CSNK1D: variants seen among roughly 807,000 people sequenced by gnomAD.
CSNK1D encodes casein kinase I isoform delta.
CSNK1D carries 16 observed loss-of-function variants against 46.6 expected under a neutral mutation model. That is an observed-to-expected ratio of 0.34 (90% CI 0.23 to 0.52). CSNK1D has a LOEUF of 0.52. CSNK1D is among the 20% of genes least tolerant of loss of function. CSNK1D has a pLI of 0.95. For synonymous variants in CSNK1D, 276 were observed against 228.2 expected (o/e 1.21, Z -1.89); for missense variants, 398 against 578.4 (o/e 0.69, Z 3.20).
At chr17:82,256,378 T>C (rs2051174899) in intron 2 of CSNK1D, among the ~76,000 whole-genome samples, 1 of 152,010 alleles carries the variant, frequency 6.6e-6, no homozygotes, top group Non-Finnish European at 1.5e-5. Context: ...GTGGGTGTGG[T>C]GGCACGCTTC....
Position 82,255,426 on chromosome 17 carries a change from T to C in CSNK1D, c.336+3A>G, listed in dbSNP as rs752151724. 6.2e-7 allele frequency: 1 copy of C among 1,614,168 alleles called. No homozygotes were observed. The highest frequency in any genetic ancestry group is 8.5e-7 in the Non-Finnish European group (1 of 1,180,040). On this transcript the variant is annotated splice_donor_region_variant and intron_variant, in intron 3 of 8. Coordinates refer to ENST00000314028, the MANE Select transcript of CSNK1D (RefSeq NM_001893.6). The surrounding 1 kb of genome is among the most constrained non-coding windows in gnomAD (Gnocchi z 5.9). ...GTGCCAACTGTCAGGAAACAGTCCT[T>C]ACCATTTGGTCAGCAAGCAGCAGGA...
chr17:82,256,495 A>G (rs928104781), intron 2 of CSNK1D, among the ~76,000 whole-genome samples: 1 of 151,264 alleles, frequency 6.6e-6, no homozygotes, highest in African/African-American at 2.4e-5. Flanking sequence ...CCTGGGCCAC[A>G]GAGCAAGACC....
downstream of CSNK1D, chr17:82,240,183 C>T: frequency 1.4e-6 from 1 of 709,870 alleles, no homozygotes; most frequent in Non-Finnish European, 2.0e-6. Context: ...AGCCTCAGGG[C>T]TGTGGAGGCC....
Position 82,252,781 on chromosome 17 carries a change from G to A in CSNK1D, c.566-177C>T, listed in dbSNP as rs926095750. On this transcript the variant is annotated intron_variant, in intron 4 of 8. Transcript: ENST00000314028. The surrounding 1 kb of genome is among the most constrained non-coding windows in gnomAD (Gnocchi z 4.6). ...CACATGCCCAGATCACTCTCACCCA[G>A]AGCTGCCCCTCATGCATACTAAGGA... Among the ~76,000 whole-genome samples, 1 of 152,148 alleles carries A rather than the reference G, an allele frequency of 6.6e-6. No individual in the cohort carries two copies. The highest frequency in any genetic ancestry group is 1.5e-5 in the Non-Finnish European group (1 of 68,018).
At chr17:82,261,317 T>C (rs1196290054) in intron 2 of CSNK1D, among the ~76,000 whole-genome samples, 2 of 152,134 alleles carry the variant, frequency 1.3e-5, no homozygotes, top group African/African-American at 4.8e-5. Context: ...CCTGCCCAGG[T>C]GCTGTCACGG....
rs945546751 is a variant in CSNK1D, at chr17:82,242,807, C to T, written c.*1974G>A. ...TCCTACCTACGTCTCCTGCACGGGG[C>T]GACGGGGACTAGATACTGGGCAAGG... On this transcript the variant is annotated 3_prime_UTR_variant, in exon 9 of 9. Coordinates refer to ENST00000314028, the MANE Select transcript of CSNK1D (RefSeq NM_001893.6). The T allele has an allele frequency of 6.1e-6, 6 of 985,310 alleles. No individual in the cohort carries two copies. Among genetic ancestry groups the T allele is most frequent in the East Asian group, 1.1e-4 (1 of 8,826 alleles). The allele number at this position is 985,310 out of a possible 1,614,324, so 61.0% of individuals were successfully genotyped here. A position where few individuals can be genotyped will look rare whatever the true frequency, so the allele number is the denominator to read the frequency against.
chr17:82,261,421 C>T (rs1300101479), intron 2 of CSNK1D, among the ~76,000 whole-genome samples: 1 of 152,042 alleles, frequency 6.6e-6, no homozygotes, highest in Admixed American at 6.6e-5. Flanking sequence ...GGATAAAAAT[C>T]GGGTGGACAA....
Position 82,265,787 on chromosome 17 carries a change from A to G in CSNK1D, c.86T>C (p.Ile29Thr), listed in dbSNP as rs1224756005. Reference protein sequence around the residue: ...SFGDIYLGTDIAAGEEVAIKL... With the variant: ...SFGDIYLGTDTAAGEEVAIKL... Reference sequence around the variant, plus strand: ...GATGGCAACCTCTTCTCCTGCAGCAATGTCCGTACCTTGGCAAAGAAAGAA... The same window carrying G: ...GATGGCAACCTCTTCTCCTGCAGCAGTGTCCGTACCTTGGCAAAGAAAGAA... Residue 29 changes from isoleucine (I) to threonine (T), a missense_variant, in exon 2 of 9, where the codon ATT becomes ACT. Around this residue, in one of 2 missense-constraint regions of CSNK1D, gnomAD observed 217 missense variants for 370.3 expected, o/e 0.59. Transcript: ENST00000314028. 2 of 1,613,722 alleles carry G rather than the reference A, an allele frequency of 1.2e-6. No individual in the cohort carries two copies. The highest frequency in any genetic ancestry group is 1.7e-6 in the Non-Finnish European group (2 of 1,179,780).
Position 82,243,099 on chromosome 17 carries a change from G to A in CSNK1D, c.*1682C>T, listed in dbSNP as rs924815519. The stretch of plus-strand genomic sequence containing the variant: ...GTACTTCAACACACAGCTCCCACCC[G>A]CTCAAGGCCCCGTACTCCAAAACGC... On this transcript the variant is annotated 3_prime_UTR_variant, in exon 9 of 9. Transcript: ENST00000314028. 4.0e-5 allele frequency: 39 copies of A among 985,268 alleles called. No individual in the cohort carries two copies. In the East Asian group the frequency reaches 1.2e-3, roughly 31 times the overall value. The allele number at this position is 985,268 out of a possible 1,614,324, so 61.0% of individuals were successfully genotyped here.
intron 8 of CSNK1D, chr17:82,245,430 G>A (rs2050826161): frequency 4.7e-6 from 1 of 211,614 alleles, no homozygotes; most frequent in Admixed American, 5.3e-5. Flanking sequence ...CAGAGACCAA[G>A]TGTGAAAAGA....
At position 82,248,869 on chromosome 17, in the gene CSNK1D, A is replaced by G. The variant is rs753120784; in HGVS notation, c.1197+6T>C. 1.1e-5 allele frequency: 17 copies of G among 1,608,660 alleles called. No homozygotes were observed. The highest frequency in any genetic ancestry group is 1.4e-5 in the Non-Finnish European group (17 of 1,177,274). On this transcript the variant is annotated splice_donor_region_variant and intron_variant, in intron 8 of 8. Coordinates refer to ENST00000314028, the MANE Select transcript of CSNK1D (RefSeq NM_001893.6). The surrounding 1 kb of genome is among the most constrained non-coding windows in gnomAD (Gnocchi z 4.1). The stretch of plus-strand genomic sequence containing the variant: ...CCCAGCGCCCGCCCGGGAGCTCTGC[A>G]CCTACCTGTGAGGTGGACATGCGAG...
chr17:82,271,426 G>A (rs1404446996), intron 1 of CSNK1D, among the ~76,000 whole-genome samples: 1 of 152,202 alleles, frequency 6.6e-6, no homozygotes, highest in Non-Finnish European at 1.5e-5. Flanking sequence ...GCTTTGCAGT[G>A]TAACTCAGAT....
chr17:82,240,197 A>G (rs1450387250), downstream of CSNK1D: 2 of 576,432 alleles, frequency 3.5e-6, no homozygotes, highest in Non-Finnish European at 5.2e-6. Flanking sequence ...GGAGGCCTCT[A>G]GCAGGGCTCA....
intron 3 of CSNK1D, chr17:82,253,482 A>G (rs1305964562): frequency 7.7e-6 from 4 of 520,112 alleles, no homozygotes; most frequent in Non-Finnish European, 1.4e-5. Context: ...CTCCCACAAA[A>G]CAGAGAGGTG....
intron 2 of CSNK1D, among the ~76,000 whole-genome samples, chr17:82,261,682 G>C (rs183122179): frequency 7.3e-4 from 111 of 152,354 alleles, no homozygotes; most frequent in African/African-American, 2.5e-3. Flanking sequence ...ATGGGGCTGG[G>C]CGGGCGAATG....
intron 8 of CSNK1D, among the ~76,000 whole-genome samples, chr17:82,245,812 G>A (rs895196278): frequency 3.3e-5 from 5 of 152,210 alleles, no homozygotes; most frequent in Admixed American, 6.5e-5. Flanking sequence ...GCAGCGGACT[G>A]CCGCCGCTCT....
At position 82,242,791 on chromosome 17, in the gene CSNK1D, C is replaced by T. The variant is rs542712268; in HGVS notation, c.*1990G>A. ...CACAGCTGACACGACGTCCTACCTA[C>T]GTCTCCTGCACGGGGCGACGGGGAC... On this transcript the variant is annotated 3_prime_UTR_variant, in exon 9 of 9. Transcript: ENST00000314028. 2.7e-5 allele frequency: 27 copies of T among 985,198 alleles called. No homozygotes were observed. In the South Asian group the frequency reaches 9.9e-4, roughly 36 times the overall value. 61.0% of individuals were successfully genotyped at this position (985,198 alleles called of 1,614,324 possible). A position where few individuals can be genotyped will look rare whatever the true frequency, so the allele number is the denominator to read the frequency against.
In CSNK1D at chr17:82,273,675, T is replaced by A. The variant is rs2051704556; in HGVS notation, c.-294A>T. The A allele has an allele frequency of 2.0e-6, 1 of 512,574 alleles. No homozygotes were observed. Among genetic ancestry groups the A allele is most frequent in the Admixed American group, 4.1e-5 (1 of 24,568 alleles). The allele number at this position is 512,574 out of a possible 1,614,324, so 31.8% of individuals were successfully genotyped here. A position where few individuals can be genotyped will look rare whatever the true frequency, so the allele number is the denominator to read the frequency against. On this transcript the variant is annotated 5_prime_UTR_variant, in exon 1 of 9. Coordinates refer to ENST00000314028, the MANE Select transcript of CSNK1D (RefSeq NM_001893.6). The surrounding 1 kb of genome is among the most constrained non-coding windows in gnomAD (Gnocchi z 5.1). Reference sequence around the variant, plus strand: ...GGGCCTAAATCCCCTTTCAGCTGCCTAAAGGAGCCGCCGCCATCGCGCTGT... The same window carrying A: ...GGGCCTAAATCCCCTTTCAGCTGCCAAAAGGAGCCGCCGCCATCGCGCTGT...
Position 82,273,286 on chromosome 17 carries a change from CG to C in CSNK1D, c.76+19del. On this transcript the variant is annotated intron_variant, in intron 1 of 8. Coordinates refer to ENST00000314028, the MANE Select transcript of CSNK1D (RefSeq NM_001893.6). This position sits in a 1 kb window ranked among gnomAD's most constrained non-coding sequence, Gnocchi z 5.1. ...AGGGCCCGGGTCTTCGGGCGGCGGG[CG>C]GGGGCGGCGGGGCCTCACCGAGATA... 6.3e-7 allele frequency: 1 copy of C among 1,594,134 alleles called. No individual in the cohort carries two copies.
Sources: allele counts gnomAD v4.1 joint callset (sites outside exome capture counted in the v4.1 genomes callset), GRCh38; gene constraint gnomAD v4.1.1; regional missense constraint gnomAD v4.1.1; non-coding constraint Gnocchi (gnomAD v3.1); transcripts MANE v1.5; gene names NCBI Gene and HGNC (gene_info 2026-07-23, HGNC 2026-07-21).